Variants in DNM3 observed in about 807,000 individuals in gnomAD.
DNM3 encodes dynamin 3, also known as dynamin-3.
DNM3 carries 47 observed loss-of-function variants against 101.6 expected under a neutral mutation model. The observed-to-expected ratio is 0.46, with a 90% confidence interval of 0.37 to 0.59. DNM3 has a LOEUF of 0.59. DNM3 is among the 20% of genes least tolerant of loss of function. DNM3 has a pLI of 0.00. For missense variants in DNM3, 849 were observed against 1,085.7 expected, an observed-to-expected ratio of 0.78 and a Z score of 3.06; for synonymous variants, 385 against 387.9, an observed-to-expected ratio of 0.99 and a Z score of 0.09.
intron 20 of DNM3, chr1:172,393,210 G>T (rs1350158843): frequency 6.6e-6 from 1 of 152,204 alleles, no homozygotes; most frequent in Admixed American, 6.5e-5. Flanking sequence ...AAAGACAAAA[G>T]CCATTTAATC....
chr1:172,207,055 C>T lies in DNM3; in HGVS notation c.1660-46518C>T, dbSNP rs531618924. On this transcript the variant is annotated intron_variant, in intron 14 of 20. Transcript: ENST00000627582. ...CTCAGGATTTCTTAAGGAGCAGAAG[C>T]CTGTACCCACTCATTACACATTCTG... Among the ~76,000 whole-genome samples, 7 of 152,130 alleles carry T rather than the reference C, an allele frequency of 4.6e-5. No individual in the cohort carries two copies. The South Asian group carries it at 1.5e-3, about 32-fold the overall frequency.
chr1:172,067,002 C>A (rs1394990658), intron 10 of DNM3, among the ~76,000 whole-genome samples: 1 of 151,614 alleles, frequency 6.6e-6, no homozygotes, highest in Non-Finnish European at 1.5e-5. Flanking sequence ...GCGTGCAAGA[C>A]TTTTGATACA....
Position 171,858,889 on chromosome 1 carries a change from CACTG to C in DNM3, c.161+17078_161+17081del, listed in dbSNP as rs372863695. The stretch of plus-strand genomic sequence containing the variant: ...ATCATCTGTGCTTAATTCCTACAAC[CACTG>C]ACTGAGTACAAGTTGTCATCATTCA... On this transcript the variant is annotated intron_variant, in intron 1 of 20. Transcript: ENST00000627582. Among the ~76,000 whole-genome samples, 21 of 152,278 alleles carry C rather than the reference CACTG, an allele frequency of 1.4e-4. No individual in the cohort carries two copies. The East Asian group carries it at 2.5e-3, about 18-fold the overall frequency.
Position 172,407,812 on chromosome 1 carries a change from C to T in DNM3, c.2563C>T (p.Arg855Cys), listed in dbSNP as rs1195032487. Residue 855 changes from arginine to cysteine, a missense_variant, in exon 21 of 21, where the codon CGC becomes TGC. Arg to Cys is a radical substitution (Grantham distance 180). Transcript: ENST00000627582. ...PPSPTRPTII[R>C]PLESSLLD Reference sequence around the variant, plus strand: ...ATCACCAACTCGTCCCACTATAATCCGCCCACTAGAATCCTCCCTGTTAGA... The same window carrying T: ...ATCACCAACTCGTCCCACTATAATCTGCCCACTAGAATCCTCCCTGTTAGA... 7 of 1,613,232 alleles carry T rather than the reference C, an allele frequency of 4.3e-6. No homozygotes were observed. Among genetic ancestry groups the T allele is most frequent in the South Asian group, 1.1e-5 (1 of 91,048 alleles).
chr1:172,330,597 G>C (rs900645768), intron 17 of DNM3, among the ~76,000 whole-genome samples: 1 of 152,064 alleles, frequency 6.6e-6, no homozygotes, highest in Admixed American at 6.6e-5. Flanking sequence ...AATTTTAACA[G>C]CATGAGCAAT....
At chr1:172,027,503 C>T (rs946752389) in intron 4 of DNM3, among the ~76,000 whole-genome samples, 1 of 151,950 alleles carries the variant, frequency 6.6e-6, no homozygotes, top group South Asian at 2.1e-4. Context: ...ATCGCTGGAA[C>T]CCGGGAGGCA....
intron 14 of DNM3, among the ~76,000 whole-genome samples, chr1:172,253,179 G>A (rs958150162): frequency 6.6e-6 from 1 of 151,972 alleles, no homozygotes; most frequent in African/African-American, 2.4e-5. Context: ...ATTAACAGAT[G>A]GCTAAAGTCT....
intron 20 of DNM3, among the ~76,000 whole-genome samples, chr1:172,397,868 C>T (rs911575249): frequency 1.3e-5 from 2 of 152,086 alleles, no homozygotes; most frequent in African/African-American, 4.8e-5. Flanking sequence ...CATGGAGTTA[C>T]TCATGCCAAT....
At position 172,409,434 on chromosome 1, in the gene DNM3, A is replaced by G; in HGVS notation, c.*1593A>G. On this transcript the variant is annotated 3_prime_UTR_variant, in exon 21 of 21. Coordinates refer to ENST00000627582, the MANE Select transcript of DNM3 (RefSeq NM_015569.5). The stretch of plus-strand genomic sequence containing the variant: ...GCCATGTTGAGTGCCATTGTATTGA[A>G]CTTATTCTAAAGGCTTATGCTAACC... 1 of 984,500 alleles carries G rather than the reference A, an allele frequency of 1.0e-6. No homozygotes were observed. Among genetic ancestry groups the G allele is most frequent in the Non-Finnish European group, 1.2e-6 (1 of 829,112 alleles). The allele number at this position is 984,500 out of a possible 1,614,324, so 61.0% of individuals were successfully genotyped here.
chr1:171,875,912 G>A (rs4916236), intron 1 of DNM3, among the ~76,000 whole-genome samples: 63,723 of 146,728 alleles, frequency 0.43, 13,765 homozygotes, highest in African/African-American at 0.46. Flanking sequence ...CTGGGTTCAA[G>A]TGATTCTTGT....
intron 2 of DNM3, among the ~76,000 whole-genome samples, chr1:171,952,605 G>T (rs2042601163): frequency 6.6e-6 from 1 of 152,074 alleles, no homozygotes; most frequent in Non-Finnish European, 1.5e-5. Flanking sequence ...CGGTTGGGGA[G>T]GCTTAGGATT....
chr1:172,411,892 A>T lies in DNM3; in HGVS notation c.*4051A>T, dbSNP rs935301027. Reference sequence around the variant, plus strand: ...GAAGAAATGATTATTCGTTCACCAGATCACTCATTGTACATTCTAAAAAGC... The same window carrying T: ...GAAGAAATGATTATTCGTTCACCAGTTCACTCATTGTACATTCTAAAAAGC... On this transcript the variant is annotated 3_prime_UTR_variant, in exon 21 of 21. Coordinates refer to ENST00000627582, the MANE Select transcript of DNM3 (RefSeq NM_015569.5). 1.0e-6 allele frequency: 1 copy of T among 985,692 alleles called. No homozygotes were observed. The allele number at this position is 985,692 out of a possible 1,614,324, so 61.1% of individuals were successfully genotyped here.
intron 15 of DNM3, among the ~76,000 whole-genome samples, chr1:172,295,284 C>T (rs902513096): frequency 6.6e-6 from 1 of 152,064 alleles, no homozygotes; most frequent in Admixed American, 6.6e-5. Flanking sequence ...GAATTTACAA[C>T]GGGGAAGTCC....
chr1:172,166,166 T>G (rs757619463), intron 14 of DNM3, among the ~76,000 whole-genome samples: 2 of 152,056 alleles, frequency 1.3e-5, no homozygotes, highest in East Asian at 3.9e-4. Flanking sequence ...TCTTTTTTCA[T>G]TATATCCCCT....
intron 4 of DNM3, among the ~76,000 whole-genome samples, chr1:172,008,298 T>C (rs1160461074): frequency 6.6e-6 from 1 of 152,092 alleles, no homozygotes; most frequent in Non-Finnish European, 1.5e-5. Context: ...ACGAAGAGTT[T>C]CTCCTCTGTT....
chr1:172,181,768 C>T (rs1305222940), intron 14 of DNM3, among the ~76,000 whole-genome samples: 1 of 150,120 alleles, frequency 6.7e-6, no homozygotes, highest in African/African-American at 2.4e-5. Flanking sequence ...AACATCACCA[C>T]TTAACTCCTC....
chr1:172,185,980 T>C (rs1215854679), intron 14 of DNM3, among the ~76,000 whole-genome samples: 1 of 152,138 alleles, frequency 6.6e-6, no homozygotes, highest in Non-Finnish European at 1.5e-5. Context: ...TGTTTTATAA[T>C]TGGTCTCCTG....
At chr1:171,845,590 G>T (rs1250323871) in intron 1 of DNM3, among the ~76,000 whole-genome samples, 1 of 152,204 alleles carries the variant, frequency 6.6e-6, no homozygotes, top group African/African-American at 2.4e-5. Flanking sequence ...CTATGTTAAT[G>T]ATTTTATTAA....
intron 16 of DNM3, among the ~76,000 whole-genome samples, chr1:172,316,545 TC>T: frequency 6.6e-6 from 1 of 151,938 alleles, no homozygotes; most frequent in Admixed American, 6.6e-5. Flanking sequence ...TTGAGGAAGA[TC>T]TACCAAGCAA....
Sources: gnomAD v4.1 joint callset for allele counts (sites outside exome capture counted in the v4.1 genomes callset) on GRCh38, gnomAD v4.1.1 for gene constraint, MANE v1.5 for transcripts, NCBI Gene and HGNC (gene_info 2026-07-23, HGNC 2026-07-21) for gene names.